ZFHX3: variants seen among roughly 807,000 people sequenced by gnomAD.
ZFHX3 encodes the protein zinc finger homeobox 3.
Under a neutral mutation model 279.1 loss-of-function variants are expected in ZFHX3, and 42 were observed. That is an observed-to-expected ratio of 0.15 (90% CI 0.12 to 0.19). The LOEUF (loss-of-function observed/expected upper bound fraction) is 0.19. Ranked by LOEUF, ZFHX3 falls within the 10% of genes least tolerant of loss-of-function variation. The probability of loss-of-function intolerance (pLI) is 1.00; values close to 1 mark genes in which losing one functional copy is unlikely to be tolerated. For synonymous variants in ZFHX3, 2,293 were observed against 1,957.8 expected (o/e 1.17, Z -4.52); for missense variants, 4,981 against 4,754.0 (o/e 1.05, Z -1.40).
At chr16:73,820,724 T>C (rs531021700) in intron 1 of ZFHX3, among the ~76,000 whole-genome samples, 13 of 152,128 alleles carry the variant, frequency 8.5e-5, no homozygotes, top group Non-Finnish European at 1.0e-4. Context: ...ACCAAGCTCT[T>C]GGGTAGTTTG....
intron 8 of ZFHX3, among the ~76,000 whole-genome samples, chr16:73,090,108 G>A (rs953195690): frequency 2.0e-5 from 3 of 152,094 alleles, no homozygotes; most frequent in Admixed American, 6.6e-5. Flanking sequence ...AACTATATCT[G>A]TGGGGCCGGG....
chr16:73,483,081 T>C (rs1400912789), intron 2 of ZFHX3, among the ~76,000 whole-genome samples: 4 of 152,146 alleles, frequency 2.6e-5, no homozygotes, highest in African/African-American at 9.7e-5. Flanking sequence ...TAGAATTCAA[T>C]GAACAAACTT....
chr16:73,823,724 G>T (rs937781645), intron 1 of ZFHX3, among the ~76,000 whole-genome samples: 1 of 152,172 alleles, frequency 6.6e-6, no homozygotes, highest in East Asian at 1.9e-4. Context: ...TCAGTATCTG[G>T]CCCTTTACAC....
chr16:73,841,116 C>T (rs866225325), intron 1 of ZFHX3, among the ~76,000 whole-genome samples: 2 of 152,156 alleles, frequency 1.3e-5, no homozygotes, highest in African/African-American at 4.8e-5. Flanking sequence ...TTCCTTCTCA[C>T]GAGGCACTCA....
intron 2 of ZFHX3, among the ~76,000 whole-genome samples, chr16:73,585,158 T>G (rs1379034547): frequency 6.6e-6 from 1 of 152,138 alleles, no homozygotes; most frequent in Non-Finnish European, 1.5e-5. Context: ...TGGCTCACAC[T>G]TGTAATCACA....
intron 5 of ZFHX3, among the ~76,000 whole-genome samples, chr16:73,202,903 CTTTCT>C (rs2011658979): frequency 1.1e-5 from 1 of 93,534 alleles, no homozygotes; most frequent in African/African-American, 5.9e-5. Context: ...ATCTTTCTTT[CTTTCT>C]TTTTTTTTTT....
At chr16:73,457,634 G>A (rs997155157) in intron 2 of ZFHX3, among the ~76,000 whole-genome samples, 1 of 152,144 alleles carries the variant, frequency 6.6e-6, no homozygotes, top group Non-Finnish European at 1.5e-5. Context: ...TTAACCTGGC[G>A]TAGTGGCGCA....
intron 5 of ZFHX3, among the ~76,000 whole-genome samples, chr16:73,255,921 G>A (rs949939611): frequency 2.6e-5 from 4 of 152,146 alleles, no homozygotes; most frequent in Non-Finnish European, 5.9e-5. Flanking sequence ...TTCTCTCTAG[G>A]AGTCTGCCGT....
intron 2 of ZFHX3, among the ~76,000 whole-genome samples, chr16:73,570,705 G>C (rs2051726494): frequency 6.6e-6 from 1 of 152,096 alleles, no homozygotes; most frequent in Non-Finnish European, 1.5e-5. Context: ...TAACTTGCAA[G>C]CTAAACATCA....
intron 5 of ZFHX3, among the ~76,000 whole-genome samples, chr16:73,256,484 C>T (rs973217286): frequency 1.3e-5 from 2 of 152,132 alleles, no homozygotes; most frequent in African/African-American, 4.8e-5. Context: ...CACCTGGAGA[C>T]TTCAAAAAAA....
At chr16:72,816,632 G>A (rs2036614119) in intron 5 of ZFHX3, among the ~76,000 whole-genome samples, 1 of 152,166 alleles carries the variant, frequency 6.6e-6, no homozygotes, top group South Asian at 2.1e-4. Flanking sequence ...TCCCTGTTAT[G>A]GAGTTCAGAA....
At chr16:73,135,838 G>C (rs1033973226) in intron 6 of ZFHX3, among the ~76,000 whole-genome samples, 5 of 151,644 alleles carry the variant, frequency 3.3e-5, no homozygotes, top group African/African-American at 1.2e-4. Context: ...CCTTATACTA[G>C]GCTCACTTCA....
chr16:73,552,867 G>A (rs956065), intron 2 of ZFHX3, among the ~76,000 whole-genome samples: 18,084 of 152,108 alleles, frequency 0.12, 1,487 homozygotes, highest in Admixed American at 0.22. Context: ...CAGTTAACAC[G>A]CAACCAGTAA....
At chr16:73,552,419 T>C (rs2020216445) in intron 2 of ZFHX3, among the ~76,000 whole-genome samples, 1 of 152,220 alleles carries the variant, frequency 6.6e-6, no homozygotes, top group South Asian at 2.1e-4. Context: ...CATCGTGCCA[T>C]TTCATTCAAA....
intron 1 of ZFHX3, among the ~76,000 whole-genome samples, chr16:72,994,162 T>C (rs1366638218): frequency 6.6e-6 from 1 of 152,224 alleles, no homozygotes; most frequent in Non-Finnish European, 1.5e-5. Flanking sequence ...TAATCTTTTA[T>C]AAGGGACCTT....
intron 1 of ZFHX3, among the ~76,000 whole-genome samples, chr16:73,795,624 G>C (rs1354186915): frequency 6.6e-6 from 1 of 152,156 alleles, no homozygotes; most frequent in Non-Finnish European, 1.5e-5. Context: ...CGACATGACA[G>C]GTGTCCTACA....
chr16:73,540,444 C>T (rs1449841810), intron 2 of ZFHX3, among the ~76,000 whole-genome samples: 1 of 152,182 alleles, frequency 6.6e-6, no homozygotes, highest in Non-Finnish European at 1.5e-5. Context: ...CAGCTCCTAA[C>T]TTTTAGTCGC....
chr16:73,866,621 A>G (rs913689118), intron 1 of ZFHX3, among the ~76,000 whole-genome samples: 1 of 152,228 alleles, frequency 6.6e-6, no homozygotes, highest in African/African-American at 2.4e-5. Flanking sequence ...AAAGAAAAGA[A>G]GAAAAATGTA....
chr16:73,829,999 C>G (rs1220886172), intron 1 of ZFHX3, among the ~76,000 whole-genome samples: 1 of 110,526 alleles, frequency 9.0e-6, no homozygotes, highest in South Asian at 3.8e-4. Flanking sequence ...CGCCCCTCCC[C>G]CAGCCTCGTT....
Sources: allele counts gnomAD v4.1 joint callset (sites outside exome capture counted in the v4.1 genomes callset), GRCh38; gene constraint gnomAD v4.1.1; transcripts MANE v1.5; gene names NCBI Gene and HGNC (gene_info 2026-07-23, HGNC 2026-07-21).